The following KCNC2 variants were observed in gnomAD, a reference collection of about 807,000 sequenced individuals.
KCNC2 encodes the protein voltage-gated potassium channel KCNC2.
Under a neutral mutation model 44.5 loss-of-function variants are expected in KCNC2, and 21 were observed. The ratio of observed to expected loss-of-function variants is 0.47; its 90% CI spans 0.33 to 0.68. The LOEUF is 0.68. KCNC2 is among the 30% of genes least tolerant of loss of function. The probability of loss-of-function intolerance (pLI) is 0.01; values close to 1 mark genes in which losing one functional copy is unlikely to be tolerated. For synonymous variants in KCNC2, 391 were observed against 339.1 expected (o/e 1.15, Z -1.68); for missense variants, 589 against 826.2 (o/e 0.71, Z 3.52).
chr12:75,105,555 G>T (rs2137203622), intron 2 of KCNC2, among the ~76,000 whole-genome samples: 2 of 152,284 alleles, frequency 1.3e-5, no homozygotes, highest in South Asian at 4.1e-4. Flanking sequence ...ACAAGTACTG[G>T]TGAAATGATA....
intron 2 of KCNC2, among the ~76,000 whole-genome samples, chr12:75,092,600 T>C (rs974983630): frequency 4.0e-5 from 6 of 151,630 alleles, no homozygotes; most frequent in African/African-American, 1.2e-4. Flanking sequence ...GACAAAGACA[T>C]CTATTCCTGA....
At chr12:75,162,499 C>A (rs1891184783) in intron 2 of KCNC2, among the ~76,000 whole-genome samples, 1 of 151,692 alleles carries the variant, frequency 6.6e-6, no homozygotes, top group African/African-American at 2.4e-5. Flanking sequence ...TAGATTACAT[C>A]TGTAGTTTTG....
intron 2 of KCNC2, among the ~76,000 whole-genome samples, chr12:75,202,414 A>G (rs1418531069): frequency 6.6e-6 from 1 of 151,884 alleles, no homozygotes; most frequent in Non-Finnish European, 1.5e-5. Context: ...AAATTTATTT[A>G]TAAGCCTTTT....
chr12:75,125,089 C>T (rs1888319031), intron 2 of KCNC2, among the ~76,000 whole-genome samples: 3 of 152,006 alleles, frequency 2.0e-5, no homozygotes, highest in African/African-American at 2.4e-5. Flanking sequence ...CTGGGCTACA[C>T]ACTGAGACTC....
At chr12:75,135,076 A>C (rs577239686) in intron 2 of KCNC2, among the ~76,000 whole-genome samples, 1 of 152,074 alleles carries the variant, frequency 6.6e-6, no homozygotes, top group African/African-American at 2.4e-5. Context: ...TACATAGCCC[A>C]AGTCACTAAG....
intron 2 of KCNC2, among the ~76,000 whole-genome samples, chr12:75,136,374 G>T (rs73355624): frequency 0.052 from 7,846 of 151,700 alleles, 237 homozygotes; most frequent in African/African-American, 0.076. Flanking sequence ...CCAAGAAAAA[G>T]GATCAACAAA....
chr12:75,144,026 T>TCATAAAA (rs1889842572), intron 2 of KCNC2, among the ~76,000 whole-genome samples: 1 of 152,172 alleles, frequency 6.6e-6, no homozygotes, highest in African/African-American at 2.4e-5. Flanking sequence ...CCATTCATGG[T>TCATAAAA]GAACATCCAT....
chr12:75,192,878 T>C (rs1410647750), intron 2 of KCNC2, among the ~76,000 whole-genome samples: 2 of 152,208 alleles, frequency 1.3e-5, no homozygotes, highest in East Asian at 3.8e-4. Context: ...TAATGCATTA[T>C]ATATTTTGAA....
At chr12:75,162,525 C>T (rs73355652) in intron 2 of KCNC2, among the ~76,000 whole-genome samples, 2,161 of 151,830 alleles carry the variant, frequency 0.014, 50 homozygotes, top group African/African-American at 0.049. Flanking sequence ...TCTTCTATTG[C>T]TGTCAGACTG....
Position 75,042,163 on chromosome 12 carries a change from A to G in KCNC2, c.*942T>C. 2 of 1,283,892 alleles carry G rather than the reference A, an allele frequency of 1.6e-6. No homozygotes were observed. Among genetic ancestry groups the G allele is most frequent in the East Asian group, 6.0e-5 (2 of 33,126 alleles). The allele number at this position is 1,283,892 out of a possible 1,614,324, so 79.5% of individuals were successfully genotyped here. ...AAAAAAGACACAAGAGCTTTGGGTGATATTTGGCACTCTGCCTCTGAAAAT... is the reference window on the plus strand; with the variant it reads ...AAAAAAGACACAAGAGCTTTGGGTGGTATTTGGCACTCTGCCTCTGAAAAT... On this transcript the variant is annotated 3_prime_UTR_variant, in exon 5 of 5. Coordinates refer to ENST00000549446, the MANE Select transcript of KCNC2 (RefSeq NM_139137.4).
chr12:75,054,003 G>A (rs1182445784), intron 2 of KCNC2, among the ~76,000 whole-genome samples: 1 of 151,132 alleles, frequency 6.6e-6, no homozygotes, highest in African/African-American at 2.4e-5. Flanking sequence ...TGGATGGGTC[G>A]CTTGAGGTCA....
chr12:75,134,977 G>A (rs910006864), intron 2 of KCNC2, among the ~76,000 whole-genome samples: 8 of 151,608 alleles, frequency 5.3e-5, no homozygotes, highest in African/African-American at 9.7e-5. Flanking sequence ...AGAAAGGAAC[G>A]GCTTTTAGTA....
rs559706838 is a variant in KCNC2, at chr12:75,193,776, T to C, written c.687+13521A>G. Among the ~76,000 whole-genome samples, 484 of 152,250 alleles carry C rather than the reference T, an allele frequency of 3.2e-3. 2 individuals are homozygous for C. Among genetic ancestry groups the C allele is most frequent in the African/African-American group, 0.011 (464 of 41,536 alleles). The stretch of plus-strand genomic sequence containing the variant: ...CCGGCCTGCTCCTATCCACCCACCC[T>C]GAAGGGAATCCTGTGTTCTGCACAA... On this transcript the variant is annotated intron_variant, in intron 2 of 4. Coordinates refer to ENST00000549446, the MANE Select transcript of KCNC2 (RefSeq NM_139137.4).
intron 2 of KCNC2, among the ~76,000 whole-genome samples, chr12:75,108,565 G>T (rs886125323): frequency 6.6e-6 from 1 of 152,172 alleles, no homozygotes; most frequent in Middle Eastern, 3.4e-3. Context: ...TTCAGAATTG[G>T]GACTACTGTT....
At chr12:75,170,497 GA>G (rs1891741268) in intron 2 of KCNC2, among the ~76,000 whole-genome samples, 2 of 151,684 alleles carry the variant, frequency 1.3e-5, no homozygotes, top group Admixed American at 6.6e-5. Context: ...ATTTACAGAT[GA>G]AAAACCTGAA....
intron 2 of KCNC2, among the ~76,000 whole-genome samples, chr12:75,114,701 C>T (rs1887514419): frequency 6.6e-6 from 1 of 151,972 alleles, no homozygotes; most frequent in Admixed American, 6.6e-5. Flanking sequence ...GACCTGGGGT[C>T]CTCACTGAGG....
chr12:75,189,192 G>C (rs144608207), intron 2 of KCNC2, among the ~76,000 whole-genome samples: 1 of 152,094 alleles, frequency 6.6e-6, no homozygotes, highest in African/African-American at 2.4e-5. Flanking sequence ...TTGAAGACTG[G>C]GAGCTACTTT....
In KCNC2 at chr12:75,207,768, G is replaced by A; in HGVS notation, c.216C>T (p.Pro72=). 2 of 1,573,464 alleles carry A rather than the reference G, an allele frequency of 1.3e-6. No homozygotes were observed. The highest frequency in any genetic ancestry group is 1.7e-6 in the Non-Finnish European group (2 of 1,161,012). ...SPPPRAPPLS[P]GPGGCFEGGA... Reference sequence around the variant, plus strand: ...CGCCCTCGAAGCAGCCGCCTGGCCCGGGGGACAGCGGGGGCGCTCTCGGCG... The same window carrying A: ...CGCCCTCGAAGCAGCCGCCTGGCCCAGGGGACAGCGGGGGCGCTCTCGGCG... The change falls in exon 2 of 5, where the codon CCC becomes CCT. Residue 72 remains proline (P), a synonymous_variant. Coordinates refer to ENST00000549446, the MANE Select transcript of KCNC2 (RefSeq NM_139137.4). This position sits in a 1 kb window ranked among gnomAD's most constrained non-coding sequence, Gnocchi z 4.1.
At chr12:75,123,747 T>C (rs535803145) in intron 2 of KCNC2, among the ~76,000 whole-genome samples, 2 of 152,274 alleles carry the variant, frequency 1.3e-5, no homozygotes, top group South Asian at 2.1e-4. Flanking sequence ...CTTGGAGACC[T>C]GATTCTCTTA....
Sources: allele counts gnomAD v4.1 joint callset (sites outside exome capture counted in the v4.1 genomes callset), GRCh38; gene constraint gnomAD v4.1.1; non-coding constraint Gnocchi (gnomAD v3.1); transcripts MANE v1.5; gene names NCBI Gene and HGNC (gene_info 2026-07-23, HGNC 2026-07-21).